Variants in CHRM3 observed in about 807,000 individuals in gnomAD.
The protein encoded by CHRM3 is cholinergic receptor muscarinic 3.
Under a neutral mutation model 41.8 loss-of-function variants are expected in CHRM3, and 11 were observed. The ratio of observed to expected loss-of-function variants is 0.26; its 90% CI spans 0.17 to 0.44. The LOEUF is 0.44. Among genes scored for constraint, CHRM3 ranks in the 20% least tolerant of loss-of-function variants. The probability of loss-of-function intolerance (pLI) is 1.00; values close to 1 mark genes in which losing one functional copy is unlikely to be tolerated. For synonymous variants in CHRM3, 297 were observed against 301.4 expected (o/e 0.99, Z 0.15); for missense variants, 571 against 745.4 (o/e 0.77, Z 2.72).
intron 3 of CHRM3, among the ~76,000 whole-genome samples, chr1:239,565,829 G>A (rs1023048609): frequency 8.7e-5 from 13 of 149,800 alleles, no homozygotes; most frequent in Admixed American, 7.3e-4. Context: ...TTCCAATAGA[G>A]AAAATGATAT....
chr1:239,892,253 C>T (rs10926004), intron 6 of CHRM3, among the ~76,000 whole-genome samples: 73,921 of 151,876 alleles, frequency 0.49, 18,538 homozygotes, highest in African/African-American at 0.62. Flanking sequence ...CATTGTTTTC[C>T]AATATTTAAT....
intron 5 of CHRM3, among the ~76,000 whole-genome samples, chr1:239,795,026 G>A (rs896157101): frequency 6.6e-6 from 1 of 152,102 alleles, no homozygotes; most frequent in Non-Finnish European, 1.5e-5. Context: ...TCACACTGGT[G>A]AACTAACCAA....
intron 5 of CHRM3, among the ~76,000 whole-genome samples, chr1:239,793,874 G>A (rs955871010): frequency 7.8e-6 from 1 of 128,954 alleles, no homozygotes; most frequent in Admixed American, 9.6e-5. Context: ...GTGCAATGGT[G>A]CGATCTCGGC....
intron 2 of CHRM3, among the ~76,000 whole-genome samples, chr1:239,508,644 G>A (rs775635785): frequency 3.9e-5 from 6 of 152,070 alleles, no homozygotes; most frequent in South Asian, 2.1e-4. Context: ...CAGTGAGTAC[G>A]TTCTTACGAA....
intron 6 of CHRM3, among the ~76,000 whole-genome samples, chr1:239,859,313 A>G (rs1167181832): frequency 6.6e-6 from 1 of 151,788 alleles, no homozygotes; most frequent in Non-Finnish European, 1.5e-5. Flanking sequence ...TTGGCCATAA[A>G]GTGGTATCTC....
At chr1:239,675,286 T>G (rs1305632051) in intron 4 of CHRM3, among the ~76,000 whole-genome samples, 1 of 152,206 alleles carries the variant, frequency 6.6e-6, no homozygotes, top group Non-Finnish European at 1.5e-5. Flanking sequence ...TTAAAAATCT[T>G]ATCCAAGCTT....
intron 2 of CHRM3, among the ~76,000 whole-genome samples, chr1:239,535,157 T>G (rs961549355): frequency 6.6e-6 from 1 of 152,128 alleles, no homozygotes. Context: ...CACACAGTGT[T>G]TGCTGAAGGA....
intron 3 of CHRM3, among the ~76,000 whole-genome samples, chr1:239,627,099 G>A (rs960650868): frequency 1.8e-5 from 2 of 112,890 alleles, no homozygotes; most frequent in Non-Finnish European, 3.7e-5. Context: ...GTTGACAGTG[G>A]GGTGTTAAAG....
intron 6 of CHRM3, among the ~76,000 whole-genome samples, chr1:239,865,044 G>T (rs1489630758): frequency 6.6e-6 from 1 of 152,168 alleles, no homozygotes; most frequent in Non-Finnish European, 1.5e-5. Context: ...GTACCTCGCG[G>T]CATTGTATGT....
intron 4 of CHRM3, among the ~76,000 whole-genome samples, chr1:239,640,602 A>C (rs372302759): frequency 6.6e-6 from 1 of 151,392 alleles, no homozygotes; most frequent in African/African-American, 2.4e-5. Flanking sequence ...CTGTGGGATC[A>C]GTGGTGATAT....
At chr1:239,610,582 C>T (rs1666902147) in intron 3 of CHRM3, among the ~76,000 whole-genome samples, 1 of 152,122 alleles carries the variant, frequency 6.6e-6, no homozygotes, top group Admixed American at 6.5e-5. Flanking sequence ...ACCATTTGGT[C>T]CTCACATCAG....
chr1:239,782,235 G>A (rs1232708548), intron 5 of CHRM3, among the ~76,000 whole-genome samples: 1 of 43,536 alleles, frequency 2.3e-5, no homozygotes, highest in Non-Finnish European at 5.5e-5. Context: ...ACCCATCTGG[G>A]ACTAGTGTTT....
chr1:239,421,710 A>T (rs1661966714), intron 1 of CHRM3, among the ~76,000 whole-genome samples: 1 of 152,180 alleles, frequency 6.6e-6, no homozygotes, highest in Non-Finnish European at 1.5e-5. Flanking sequence ...TTACTCAGAT[A>T]TTCCAACCAT....
In CHRM3 at chr1:239,780,317, GC is replaced by G. The variant is rs1486731581; in HGVS notation, c.-146-46934del. On this transcript the variant is annotated intron_variant, in intron 5 of 6. Transcript: ENST00000676153. ...GGTGTTCTCAGTGTTCTGGATTTTT[GC>G]TATTCTAATAGGTGTGTAGTGGTAT... 2.0e-5 allele frequency among the ~76,000 whole-genome samples: 3 copies of G among 152,100 alleles called. No individual in the cohort carries two copies. In the East Asian group the frequency reaches 5.8e-4, roughly 29 times the overall value.
intron 3 of CHRM3, among the ~76,000 whole-genome samples, chr1:239,559,780 C>A (rs1660691753): frequency 2.6e-5 from 4 of 152,158 alleles, no homozygotes; most frequent in Admixed American, 2.6e-4. Flanking sequence ...TAACACTATA[C>A]CACTGGAGTT....
chr1:239,679,619 T>C (rs1308938608), intron 5 of CHRM3, among the ~76,000 whole-genome samples: 1 of 152,156 alleles, frequency 6.6e-6, no homozygotes, highest in African/African-American at 2.4e-5. Flanking sequence ...TTTTACATTC[T>C]GTGAGAGTCT....
At position 239,448,796 on chromosome 1, in the gene CHRM3, GT is replaced by G. The variant is rs1322020814; in HGVS notation, c.-520-43909del. Among the ~76,000 whole-genome samples the G allele has an allele frequency of 3.9e-5, 6 of 152,052 alleles. No homozygotes were observed. The South Asian group carries it at 8.3e-4, about 21-fold the overall frequency. On this transcript the variant is annotated intron_variant, in intron 1 of 6. Transcript: ENST00000676153. ...TATTTTTTGTTTGTTTGTTTGTTTT[GT>G]TTTGTTTTCAATCTTAAAATCAGGT... is the stretch of plus-strand genomic sequence containing the variant.
At chr1:239,449,558 T>C (rs1044623291) in intron 1 of CHRM3, among the ~76,000 whole-genome samples, 2 of 152,136 alleles carry the variant, frequency 1.3e-5, no homozygotes, top group African/African-American at 4.8e-5. Context: ...GATAGCAACT[T>C]TGATTTGGAC....
intron 1 of CHRM3, among the ~76,000 whole-genome samples, chr1:239,394,810 A>T (rs1447269696): frequency 6.6e-6 from 1 of 152,214 alleles, no homozygotes; most frequent in Non-Finnish European, 1.5e-5. Flanking sequence ...CCACAAGAAA[A>T]TCTTTAAAGT....
Sources: allele counts gnomAD v4.1 joint callset (sites outside exome capture counted in the v4.1 genomes callset), GRCh38; gene constraint gnomAD v4.1.1; transcripts MANE v1.5; gene names NCBI Gene and HGNC (gene_info 2026-07-23, HGNC 2026-07-21).